AQR: variants seen among roughly 807,000 people sequenced by gnomAD.
AQR encodes aquarius intron-binding spliceosomal factor, also known as RNA helicase aquarius.
A neutral mutation model predicts 180.5 loss-of-function variants in AQR; 61 were observed. The observed-to-expected ratio is 0.34, with a 90% CI of 0.28 to 0.42. AQR has a LOEUF of 0.42. Among genes scored for constraint, AQR ranks in the 10% least tolerant of loss-of-function variants. AQR has a pLI of 1.00. For synonymous variants in AQR, 551 were observed against 588.8 expected, an observed-to-expected ratio of 0.94 and a Z score of 0.93; for missense variants, 1,281 against 1,798.3, an observed-to-expected ratio of 0.71 and a Z score of 5.20.
In AQR at chr15:34,969,532, A is replaced by G. The variant is rs756118109; in HGVS notation, c.75+7T>C. 7 of 1,613,294 alleles carry G rather than the reference A, an allele frequency of 4.3e-6. No homozygotes were observed. In the East Asian group the frequency reaches 1.1e-4, roughly 26 times the overall value. On this transcript the variant is annotated splice_region_variant and intron_variant, in intron 1 of 34. Transcript: ENST00000156471. ...CACTCACACACACCAGACTCGCCCG[A>G]GCTCACCTGGGTCACGAACTCCGCA... is the stretch of plus-strand genomic sequence containing the variant.
At chr15:34,883,610 T>C (rs1024973858) in intron 26 of AQR, among the ~76,000 whole-genome samples, 2 of 152,226 alleles carry the variant, frequency 1.3e-5, no homozygotes, top group African/African-American at 4.8e-5. Context: ...GAAGTAGGTA[T>C]GTAATCACAT....
At chr15:34,967,229 T>C (rs1238817983) in intron 1 of AQR, among the ~76,000 whole-genome samples, 5 of 152,154 alleles carry the variant, frequency 3.3e-5, no homozygotes, top group Non-Finnish European at 1.5e-5. Flanking sequence ...CCTTAAGGTG[T>C]GTGTACTTGC....
rs79680667 is a variant in AQR at position 34,926,912 on chromosome 15, G to C, written c.1118+123C>G. ...AGAAGCACTAGTTGTAGACGTCAAC[G>C]AAGAGTGAAATAACAAGTAATATTA... On this transcript the variant is annotated intron_variant, in intron 13 of 34. Transcript: ENST00000156471. 8 of 486,412 alleles carry C rather than the reference G, an allele frequency of 1.6e-5. No individual in the cohort carries two copies. In the East Asian group the frequency reaches 2.9e-4, roughly 18 times the overall value. The allele number at this position is 486,412 out of a possible 1,614,324, so 30.1% of individuals were successfully genotyped here. A position where few individuals can be genotyped will look rare whatever the true frequency, so the allele number is the denominator to read the frequency against.
At chr15:34,910,451 T>TA (rs916234483) in intron 16 of AQR, 138 bp from the exon 17 acceptor site, 29 of 937,340 alleles carry the variant, frequency 3.1e-5, no homozygotes, top group South Asian at 1.0e-4. Context: ...TTTCTTAACT[T>TA]AAAAAAAAGA....
intron 2 of AQR, among the ~76,000 whole-genome samples, chr15:34,962,187 A>G (rs1355168065): frequency 2.0e-5 from 3 of 151,626 alleles, no homozygotes; most frequent in African/African-American, 7.3e-5. Context: ...ATACCCACCT[A>G]ATTTTTTGTA....
Position 34,870,812 on chromosome 15 carries a change from A to G in AQR, c.3708T>C (p.Leu1236=), listed in dbSNP as rs375274550. The G allele has an allele frequency of 3.1e-6, 5 of 1,613,412 alleles. No individual in the cohort carries two copies. Among genetic ancestry groups the G allele is most frequent in the Non-Finnish European group, 4.2e-6 (5 of 1,179,726 alleles). Residue 1236 remains leucine, a synonymous_variant, in exon 31 of 35, where the codon CTT becomes CTC. Coordinates refer to ENST00000156471, the MANE Select transcript of AQR (RefSeq NM_014691.3). ...ILTTYNGQKH[L]IRDIINRRCG... is the part of the protein sequence containing the mutation. Reference sequence around the variant, plus strand: ...ATCGTCTATTGATGATGTCGCGAATAAGATGCTTTTGGCCATTATATGTTG... The same window carrying G: ...ATCGTCTATTGATGATGTCGCGAATGAGATGCTTTTGGCCATTATATGTTG...
rs1892988433 is a variant in AQR at position 34,882,482 on chromosome 15, A to AC, written c.3165+19_3165+20insG. 1 of 1,472,456 alleles carries AC rather than the reference A, an allele frequency of 6.8e-7. No homozygotes were observed. Among genetic ancestry groups the AC allele is most frequent in the Non-Finnish European group, 9.0e-7 (1 of 1,110,864 alleles). The allele number at this position is 1,472,456 out of a possible 1,614,324, so 91.2% of individuals were successfully genotyped here. A position where few individuals can be genotyped will look rare whatever the true frequency, so the allele number is the denominator to read the frequency against. ...GATAATCTTAAAAAAAAAAAAAAAA[A>AC]AACTACCATAAGTCTTTACCTTGAA... On this transcript the variant is annotated intron_variant, in intron 27 of 34. Coordinates refer to ENST00000156471, the MANE Select transcript of AQR (RefSeq NM_014691.3).
intron 15 of AQR, among the ~76,000 whole-genome samples, chr15:34,915,909 G>A (rs1420984566): frequency 6.6e-6 from 1 of 151,268 alleles, no homozygotes; most frequent in Non-Finnish European, 1.5e-5. Flanking sequence ...TCATGTCCTT[G>A]CACTCCAGCC....
intron 32 of AQR, among the ~76,000 whole-genome samples, chr15:34,866,192 ATTAAAAGTTT>A (rs1272690543): frequency 6.6e-6 from 1 of 152,150 alleles, no homozygotes; most frequent in Non-Finnish European, 1.5e-5. Context: ...AGAAATTCTT[ATTAAAAGTTT>A]GATAAAATTC....
Position 34,860,065 on chromosome 15 carries a change from G to A in AQR, c.4120C>T (p.Gln1374Ter), listed in dbSNP as rs939781373. The A allele has an allele frequency of 6.8e-6, 10 of 1,477,694 alleles. No individual in the cohort carries two copies. The highest frequency in any genetic ancestry group is 9.1e-6 in the Non-Finnish European group (10 of 1,097,090). The allele number at this position is 1,477,694 out of a possible 1,614,324, so 91.5% of individuals were successfully genotyped here. A position where few individuals can be genotyped will look rare whatever the true frequency, so the allele number is the denominator to read the frequency against. ...ACCTGATGATAATGATGTGTAGTCT[G>A]TATCAAATGCATGTACATGTTGTAT... ...FVYNMYMHLI[Q>*]TTHHYHQTLL... is the part of the protein sequence containing the mutation. Residue 1374 changes from glutamine to a stop codon, truncating the protein, a stop_gained, in exon 34 of 35, where the codon CAG (glutamine) becomes TAG (stop). Transcript: ENST00000156471. LOFTEE classifies it low-confidence loss of function (END_TRUNC).
At chr15:34,867,637 G>T in intron 31 of AQR, 28 bp from the exon 32 acceptor site, 2 of 1,560,246 alleles carry the variant, frequency 1.3e-6, no homozygotes, top group Non-Finnish European at 1.8e-6. Context: ...AAAATATGGT[G>T]CATTTGCAAA....
chr15:34,867,033 C>G (rs1195478374), intron 32 of AQR, among the ~76,000 whole-genome samples: 1 of 152,062 alleles, frequency 6.6e-6, no homozygotes, highest in Non-Finnish European at 1.5e-5. Flanking sequence ...CCGTAAATCT[C>G]TAGCACATAA....
At chr15:34,943,058 T>C (rs774720335) in intron 6 of AQR, 2 of 1,608,216 alleles carry the variant, frequency 1.2e-6, no homozygotes, top group African/African-American at 1.3e-5. Context: ...AGGCTTTCTG[T>C]GCCGATAACG....
intron 6 of AQR, 81 bp downstream of exon 6, chr15:34,944,207 C>T: frequency 7.4e-7 from 1 of 1,344,748 alleles, no homozygotes; most frequent in Non-Finnish European, 1.0e-6. Context: ...ATGGAGTTGG[C>T]TACAGAGGTA....
At chr15:34,909,020 G>A (rs1488950681) in intron 17 of AQR, among the ~76,000 whole-genome samples, 2 of 152,182 alleles carry the variant, frequency 1.3e-5, no homozygotes, top group Non-Finnish European at 1.5e-5. Context: ...CTCTTTTGAA[G>A]GATACAAGGG....
chr15:34,863,500 A>T (rs1329279291), intron 32 of AQR, among the ~76,000 whole-genome samples: 1 of 152,194 alleles, frequency 6.6e-6, no homozygotes, highest in African/African-American at 2.4e-5. Flanking sequence ...ACATATGGAA[A>T]TACAGTATGA....
At chr15:34,953,969 CA>C (rs1856217494) in intron 3 of AQR, among the ~76,000 whole-genome samples, 2 of 152,216 alleles carry the variant, frequency 1.3e-5, no homozygotes, top group Admixed American at 1.3e-4. Context: ...CACTAGAGTG[CA>C]GTGGCACGAT....
At chr15:34,919,711 A>G (rs995136468) in intron 14 of AQR, among the ~76,000 whole-genome samples, 13 of 152,126 alleles carry the variant, frequency 8.5e-5, no homozygotes, top group African/African-American at 2.4e-4. Flanking sequence ...AGCCTGGCCA[A>G]CGTGGCGAAA....
At chr15:34,935,032 TGA>T (rs986615498) in intron 9 of AQR, among the ~76,000 whole-genome samples, 5 of 152,168 alleles carry the variant, frequency 3.3e-5, no homozygotes, top group African/African-American at 1.2e-4. Flanking sequence ...TCTAAACTTC[TGA>T]GAGTTTTCTC....
Sources: allele counts gnomAD v4.1 joint callset (sites outside exome capture counted in the v4.1 genomes callset), GRCh38; gene constraint gnomAD v4.1.1; transcripts MANE v1.5; gene names NCBI Gene and HGNC (gene_info 2026-07-23, HGNC 2026-07-21).